Variants in MEF2C observed in about 807,000 individuals in gnomAD.
MEF2C encodes myocyte enhancer factor 2C.
Under a neutral mutation model 50.5 loss-of-function variants are expected in MEF2C, and 6 were observed. The ratio of observed to expected loss-of-function variants is 0.12; its 90% CI spans 0.07 to 0.23. MEF2C has a LOEUF of 0.23. Ranked by LOEUF, MEF2C falls within the 10% of genes least tolerant of loss-of-function variation. The pLI is 1.00. For synonymous variants in MEF2C, 183 were observed against 228.0 expected, an observed-to-expected ratio of 0.80 and a Z score of 1.78; for missense variants, 276 against 605.0, an observed-to-expected ratio of 0.46 and a Z score of 5.70.
chr5:88,731,610 A>T, intron 7 of MEF2C, 119 bp downstream of exon 7: 1 of 906,498 alleles, frequency 1.1e-6, no homozygotes, highest in Non-Finnish European at 1.7e-6. Flanking sequence ...TGTCAATGGC[A>T]CTGTTATGTT....
chr5:88,892,405 G>A (rs1834691335), intron 1 of MEF2C: 1 of 152,218 alleles, frequency 6.6e-6, no homozygotes, highest in African/African-American at 2.4e-5. Context: ...TCAGCATAAA[G>A]CACAGGGCTG....
intron 1 of MEF2C, among the ~76,000 whole-genome samples, chr5:88,898,701 T>A (rs564777678): frequency 1.9e-3 from 282 of 152,258 alleles, no homozygotes; most frequent in Non-Finnish European, 3.3e-3. Context: ...TAAGATTTTT[T>A]AAAAAATACA....
chr5:88,875,023 AT>A (rs1435834123), intron 1 of MEF2C, among the ~76,000 whole-genome samples: 2 of 151,878 alleles, frequency 1.3e-5, no homozygotes, highest in African/African-American at 4.8e-5. Flanking sequence ...GCTAGAAATT[AT>A]TTTTTAATAG....
intron 1 of MEF2C, chr5:88,825,431 G>T: frequency 1.1e-6 from 1 of 934,050 alleles, no homozygotes; most frequent in Non-Finnish European, 1.3e-6. Context: ...TAATATGTAT[G>T]TTGAGTAACA....
chr5:88,741,204 T>C (rs1011484739), intron 6 of MEF2C: 87 of 985,276 alleles, frequency 8.8e-5, no homozygotes, highest in Admixed American at 1.2e-4. Context: ...TAAATACTAC[T>C]GGAACTGCAT....
rs1755452756 is a variant in MEF2C at position 88,719,154 on chromosome 5, A to G, written c.*3450T>C. 6.6e-6 allele frequency: 1 copy of G among 152,224 alleles called. No homozygotes were observed. The highest frequency in any genetic ancestry group is 2.4e-5 in the African/African-American group (1 of 41,456). The allele number at this position is 152,224 out of a possible 1,614,324, so 9.4% of individuals were successfully genotyped here. On this transcript the variant is annotated 3_prime_UTR_variant, in exon 11 of 11. Transcript: ENST00000504921. ...AAAGATGGGTATGTAAGAAAAACAA[A>G]TCCATAAAAGTGTGTGAGGGCAGAC...
intron 1 of MEF2C, among the ~76,000 whole-genome samples, chr5:88,864,672 G>A (rs1246853119): frequency 6.6e-6 from 1 of 151,982 alleles, no homozygotes; most frequent in African/African-American, 2.4e-5. Context: ...GCTCAGCACA[G>A]CCTTGAAGTC....
At position 88,853,385 on chromosome 5, in the gene MEF2C, T is replaced by C. The variant is rs528188377; in HGVS notation, c.-142-29455A>G. On this transcript the variant is annotated intron_variant, in intron 1 of 10. Coordinates refer to ENST00000504921, the MANE Select transcript of MEF2C (RefSeq NM_002397.5). ...GTGTACACAGGGTAGCCAGGGAGCT[T>C]CCATTAGGACCATTAAGAAGAAACG... Among the ~76,000 whole-genome samples, 6 of 152,308 alleles carry C rather than the reference T, an allele frequency of 3.9e-5. No homozygotes were observed. The East Asian group carries it at 1.2e-3, about 29-fold the overall frequency.
At position 88,791,610 on chromosome 5, in the gene MEF2C, A is replaced by G. The variant is rs186313418; in HGVS notation, c.258+12988T>C. 2.4e-3 allele frequency among the ~76,000 whole-genome samples: 370 copies of G among 152,250 alleles called. 1 individual carries two copies. Among genetic ancestry groups the G allele is most frequent in the African/African-American group, 8.3e-3 (346 of 41,572 alleles). On this transcript the variant is annotated intron_variant, in intron 3 of 10. Coordinates refer to ENST00000504921, the MANE Select transcript of MEF2C (RefSeq NM_002397.5). ...AGATGTGAAGCAGCTCTTCGTGTTT[A>G]TAAAACATGTAAATTAAGCAAGAAG...
chr5:88,819,658 A>G (rs1807308919), intron 2 of MEF2C, among the ~76,000 whole-genome samples: 1 of 152,010 alleles, frequency 6.6e-6, no homozygotes, highest in Non-Finnish European at 1.5e-5. Flanking sequence ...CATAGCACAT[A>G]TAAGTGAAAT....
intron 2 of MEF2C, among the ~76,000 whole-genome samples, chr5:88,818,915 G>T (rs963106604): frequency 2.6e-5 from 4 of 152,034 alleles, no homozygotes; most frequent in African/African-American, 9.7e-5. Context: ...CAAAGAGCCT[G>T]AGTCTTAATA....
chr5:88,733,575 G>A (rs1201728699), intron 6 of MEF2C: 17 of 985,136 alleles, frequency 1.7e-5, no homozygotes, highest in Non-Finnish European at 2.0e-5. Flanking sequence ...GCAGAGCAAA[G>A]GTATATTTCA....
chr5:88,734,565 G>T (rs865949668), intron 6 of MEF2C: 7,612 of 540,728 alleles, frequency 0.014, 119 homozygotes, highest in African/African-American at 0.056. Flanking sequence ...AGAAAAGTTT[G>T]TTTTTTTTTT....
At chr5:88,829,588 TACTG>T (rs1293145486) in intron 1 of MEF2C, among the ~76,000 whole-genome samples, 3 of 152,080 alleles carry the variant, frequency 2.0e-5, no homozygotes, top group Admixed American at 6.6e-5. Flanking sequence ...CTTCTACTTT[TACTG>T]ACTACTACTA....
intron 1 of MEF2C, chr5:88,843,521 A>G (rs993896084): frequency 1.0e-6 from 1 of 971,762 alleles, no homozygotes; most frequent in African/African-American, 1.8e-5. Context: ...TGTGTCTGAA[A>G]TTCAAGTTTT....
intron 3 of MEF2C, among the ~76,000 whole-genome samples, chr5:88,780,003 T>C (rs1442027035): frequency 6.6e-6 from 1 of 151,728 alleles, no homozygotes; most frequent in Non-Finnish European, 1.5e-5. Context: ...AAAAATTAGC[T>C]GGGCATGGTG....
chr5:88,766,341 C>A (rs1378332567), intron 3 of MEF2C, among the ~76,000 whole-genome samples: 1 of 152,106 alleles, frequency 6.6e-6, no homozygotes, highest in Non-Finnish European at 1.5e-5. Context: ...ACTAGAAAAT[C>A]CTTTTCTTAT....
At chr5:88,900,114 A>G (rs1005946206) in intron 1 of MEF2C, among the ~76,000 whole-genome samples, 1 of 152,060 alleles carries the variant, frequency 6.6e-6, no homozygotes, top group Non-Finnish European at 1.5e-5. Context: ...GATTTCAACT[A>G]AACAGTTTCT....
intron 5 of MEF2C, among the ~76,000 whole-genome samples, chr5:88,749,910 G>C (rs898896502): frequency 6.6e-6 from 1 of 151,746 alleles, no homozygotes; most frequent in Admixed American, 6.6e-5. Context: ...GGTGCCTGTG[G>C]TCCCAGCTAC....
Sources: allele counts gnomAD v4.1 joint callset (sites outside exome capture counted in the v4.1 genomes callset), GRCh38; gene constraint gnomAD v4.1.1; transcripts MANE v1.5; gene names NCBI Gene and HGNC (gene_info 2026-07-23, HGNC 2026-07-21).